Variants in KLKB1 observed in about 807,000 individuals in gnomAD.
KLKB1 encodes the protein kallikrein B1.
KLKB1 carries 58 observed loss-of-function variants against 73.6 expected under a neutral mutation model. That is an observed-to-expected ratio of 0.79 (90% CI 0.64 to 0.98). The LOEUF (loss-of-function observed/expected upper bound fraction) is 0.98, where lower values mean the gene tolerates loss of function less well. Among genes scored for constraint, KLKB1 ranks in the 50% least tolerant of loss-of-function variants. KLKB1 has a pLI of 0.00. For missense variants in KLKB1, 737 were observed against 763.8 expected, an observed-to-expected ratio of 0.96 and a Z score of 0.41; for synonymous variants, 280 against 258.1, an observed-to-expected ratio of 1.08 and a Z score of -0.81.
At position 186,251,563 on chromosome 4, in the gene KLKB1, G is replaced by T. The variant is rs137905627; in HGVS notation, c.945G>T (p.Val315=). The T allele has an allele frequency of 1.2e-6, 2 of 1,614,056 alleles. No homozygotes were observed. The highest frequency in any genetic ancestry group is 4.5e-5 in the East Asian group (2 of 44,872). ...EELNVTFVKG[V]NVCQETCTKM... Reference sequence around the variant, plus strand: ...TGAATGTGACTTTTGTTAAAGGAGTGAATGTTTGCCAAGAGACTTGCACAA... The same window carrying T: ...TGAATGTGACTTTTGTTAAAGGAGTTAATGTTTGCCAAGAGACTTGCACAA... The change falls in exon 9 of 15, where the codon GTG becomes GTT. Residue 315 remains valine (V), a synonymous_variant. Coordinates refer to ENST00000264690, the MANE Select transcript of KLKB1 (RefSeq NM_000892.5).
intron 6 of KLKB1, among the ~76,000 whole-genome samples, chr4:186,249,674 T>G (rs182266463): frequency 1.3e-5 from 2 of 152,304 alleles, no homozygotes; most frequent in Admixed American, 1.3e-4. Context: ...TGATAGAGAG[T>G]GCATTGAATC....
chr4:186,237,015 T>C (rs1490386180), intron 5 of KLKB1, 75 bp downstream of exon 5: 4 of 1,506,442 alleles, frequency 2.7e-6, no homozygotes, highest in Non-Finnish European at 3.7e-6. Context: ...TAACCTCTTT[T>C]GTTCCCAAAC....
chr4:186,236,068 C>T (rs111291530), intron 4 of KLKB1, among the ~76,000 whole-genome samples: 8,771 of 143,698 alleles, frequency 0.061, 378 homozygotes, highest in South Asian at 0.19. Flanking sequence ...GAGTCGAGAT[C>T]GCGCCACTGC....
intron 11 of KLKB1, among the ~76,000 whole-genome samples, chr4:186,253,101 G>T (rs4253381): frequency 2.6e-5 from 4 of 152,080 alleles, no homozygotes; most frequent in Non-Finnish European, 5.9e-5. Flanking sequence ...AATTTGTAAC[G>T]TTGTTGGGAA....
intron 2 of KLKB1, chr4:186,211,846 A>C (rs1042283297): frequency 6.6e-6 from 1 of 152,142 alleles, no homozygotes; most frequent in Non-Finnish European, 1.5e-5. Context: ...TTTTAAGTTG[A>C]TTAGTAGGTT....
At chr4:186,249,004 A>G (rs1391551331) in intron 6 of KLKB1, among the ~76,000 whole-genome samples, 2 of 152,202 alleles carry the variant, frequency 1.3e-5, no homozygotes, top group Non-Finnish European at 2.9e-5. Context: ...TCTTTTGGCC[A>G]TTAAAAATAA....
Position 186,258,183 on chromosome 4 carries a change from G to A in KLKB1, c.1888G>A (p.Gly630Arg), listed in dbSNP as rs1414189090. 6.2e-7 allele frequency: 1 copy of A among 1,614,038 alleles called. No individual in the cohort carries two copies. The highest frequency in any genetic ancestry group is 1.3e-5 in the African/African-American group (1 of 74,922). Residue 630 changes from glycine to arginine, a missense_variant, in exon 15 of 15, where the codon GGA (glycine) becomes AGA (arginine). Physicochemically the swap from Gly to Arg is moderately radical, Grantham distance 125. Coordinates refer to ENST00000264690, the MANE Select transcript of KLKB1 (RefSeq NM_000892.5). ...WILEKTQSSD[G>R]KAQMQSPA ...TTTAGAGAAAACACAGAGCAGTGAT[G>A]GAAAAGCTCAGATGCAGTCACCAGC...
At position 186,258,363 on chromosome 4, in the gene KLKB1, T is replaced by C. The variant is rs1739133184; in HGVS notation, c.*151T>C. The C allele has an allele frequency of 2.6e-6, 2 of 769,676 alleles. No individual in the cohort carries two copies. Among genetic ancestry groups the C allele is most frequent in the East Asian group, 5.4e-5 (2 of 37,240 alleles). The allele number at this position is 769,676 out of a possible 1,614,324, so 47.7% of individuals were successfully genotyped here. On this transcript the variant is annotated 3_prime_UTR_variant, in exon 15 of 15. Coordinates refer to ENST00000264690, the MANE Select transcript of KLKB1 (RefSeq NM_000892.5). Reference sequence around the variant, plus strand: ...GTGCACTCAGAGCTGCTGAGGACAATGTCTGGCTGAAGCCCGCTTTCAGCA... The same window carrying C: ...GTGCACTCAGAGCTGCTGAGGACAACGTCTGGCTGAAGCCCGCTTTCAGCA...
Position 186,234,006 on chromosome 4 carries a change from A to G in KLKB1, c.276A>G (p.Arg92=), listed in dbSNP as rs1353314087. The change falls in exon 4 of 15, where the codon CGA becomes CGG. Residue 92 remains arginine (R), a synonymous_variant. Transcript: ENST00000264690. ...SVTGTLPKVH[R]TGAVSGHSLK... ...CAGGAACCCTGCCAAAAGTACATCG[A>G]ACAGGTGCAGTTTCTGGACATTCCT... The G allele has an allele frequency of 6.2e-7, 1 of 1,614,120 alleles. No individual in the cohort carries two copies. The highest frequency in any genetic ancestry group is 1.1e-5 in the South Asian group (1 of 91,080).
chr4:186,237,498 C>T (rs1737758724), intron 5 of KLKB1, among the ~76,000 whole-genome samples: 1 of 152,164 alleles, frequency 6.6e-6, no homozygotes, highest in Non-Finnish European at 1.5e-5. Context: ...ACATCCTCTT[C>T]CCCTACTTCT....
At chr4:186,252,423 C>T (rs1453392071) in intron 11 of KLKB1, among the ~76,000 whole-genome samples, 5 of 152,028 alleles carry the variant, frequency 3.3e-5, no homozygotes, top group East Asian at 1.9e-4. Flanking sequence ...GAAAGAGAAA[C>T]GAAGACAGTA....
At chr4:186,235,350 T>C (rs1580000066) in intron 4 of KLKB1, among the ~76,000 whole-genome samples, 1 of 151,678 alleles carries the variant, frequency 6.6e-6, no homozygotes, top group South Asian at 2.1e-4. Flanking sequence ...TTTAATGTTT[T>C]TTAAAGTGAA....
At chr4:186,236,634 A>G (rs961215089) in intron 4 of KLKB1, 147 bp from the exon 5 acceptor site, 1 of 687,390 alleles carries the variant, frequency 1.5e-6, no homozygotes, top group Admixed American at 2.5e-5. Context: ...TGTACATAAT[A>G]AAAATTTTAA....
intron 7 of KLKB1, 198 bp from the exon 8 acceptor site, chr4:186,251,021 C>A: frequency 1.8e-6 from 1 of 563,966 alleles, no homozygotes; most frequent in African/African-American, 1.9e-5. Flanking sequence ...TAGTTTTCTC[C>A]AGAGGGAGAG....
At chr4:186,254,801 C>T (rs775222878) in intron 12 of KLKB1, 38 bp downstream of exon 12, 8 of 1,542,174 alleles carry the variant, frequency 5.2e-6, no homozygotes, top group East Asian at 2.2e-5. Context: ...AGCAGAATTG[C>T]GCTGGTTGAT....
upstream of KLKB1, among the ~76,000 whole-genome samples, chr4:186,224,782 T>C (rs958198985): frequency 6.6e-6 from 1 of 152,168 alleles, no homozygotes; most frequent in Non-Finnish European, 1.5e-5. Context: ...ATCATTGGTT[T>C]TGAAATCTGA....
At chr4:186,245,474 G>A (rs745935444) in intron 6 of KLKB1, among the ~76,000 whole-genome samples, 6 of 152,194 alleles carry the variant, frequency 3.9e-5, no homozygotes, top group Non-Finnish European at 7.3e-5. Flanking sequence ...TAGACAGTCC[G>A]ATTTCTAGTG....
chr4:186,223,063 C>A (rs182625479), upstream of KLKB1, among the ~76,000 whole-genome samples: 89 of 152,280 alleles, frequency 5.8e-4, 1 homozygote, highest in African/African-American at 1.8e-3. Context: ...CATGCTCTCT[C>A]TCTCTCCTGC....
chr4:186,240,389 T>TATATACAATATACA (rs1737965639), intron 6 of KLKB1, among the ~76,000 whole-genome samples: 1 of 152,132 alleles, frequency 6.6e-6, no homozygotes, highest in Non-Finnish European at 1.5e-5. Flanking sequence ...TAGTTATAGG[T>TATATACAATATACA]ACAGTGATGT....
Sources: gnomAD v4.1 joint callset for allele counts (sites outside exome capture counted in the v4.1 genomes callset) on GRCh38, gnomAD v4.1.1 for gene constraint, MANE v1.5 for transcripts, NCBI Gene and HGNC (gene_info 2026-07-23, HGNC 2026-07-21) for gene names.